Variants in LY75 observed in about 807,000 individuals in gnomAD.
LY75 encodes C-type lectin domain family 13 member B.
In LY75, 185 loss-of-function variants were observed where a neutral mutation model predicts 231.7. The observed-to-expected ratio is 0.80, with a 90% CI of 0.71 to 0.90. LY75 has a LOEUF of 0.90. Ranked by LOEUF, LY75 falls within the 40% of genes least tolerant of loss-of-function variation. The pLI is 0.00. For synonymous variants in LY75, 668 were observed against 689.0 expected, an observed-to-expected ratio of 0.97 and a Z score of 0.48; for missense variants, 1,947 against 2,050.2, an observed-to-expected ratio of 0.95 and a Z score of 0.97.
At chr2:159,889,227 C>T (rs1685680168) in intron 4 of LY75, among the ~76,000 whole-genome samples, 1 of 151,696 alleles carries the variant, frequency 6.6e-6, no homozygotes, top group Non-Finnish European at 1.5e-5. Context: ...ACTGCAATAC[C>T]TTTTATTTAT....
chr2:159,876,670 A>T (rs1685277692), intron 11 of LY75, among the ~76,000 whole-genome samples: 1 of 152,088 alleles, frequency 6.6e-6, no homozygotes, highest in African/African-American at 2.4e-5. Flanking sequence ...CCAACCACCA[A>T]GACTTAGTTA....
intron 19 of LY75, 65 bp from the exon 20 acceptor site, chr2:159,853,417 C>T (rs1238710603): frequency 6.4e-7 from 1 of 1,564,968 alleles, no homozygotes; most frequent in Admixed American, 1.8e-5. Context: ...TTTCTTTTTA[C>T]TGTAAGTTAT....
rs747330367 is a variant in LY75, at chr2:159,893,987, A to C, written c.564T>G (p.Asp188Glu). 2 of 1,613,958 alleles carry C rather than the reference A, an allele frequency of 1.2e-6. No individual in the cohort carries two copies. The highest frequency in any genetic ancestry group is 1.7e-6 in the Non-Finnish European group (2 of 1,179,884). The change falls in exon 3 of 35, where the codon GAT (aspartate) becomes GAG (glutamate). Residue 188 changes from aspartate (D) to glutamate (E), a missense_variant. Asp to Glu is a conservative substitution (Grantham distance 45). Transcript: ENST00000263636. ...TWHHDCILDE[D>E]HSGPWCATTL... ...TGGTGGCACACCATGGCCCACTATG[A>C]TCTTCATCAAGAATGCAATCATGAT...
chr2:159,830,376 AG>A (rs1170365536), intron 28 of LY75, among the ~76,000 whole-genome samples: 1 of 152,042 alleles, frequency 6.6e-6, no homozygotes, highest in Non-Finnish European at 1.5e-5. Flanking sequence ...GGCCGTGGAA[AG>A]GTTTTCCTAA....
intron 28 of LY75, among the ~76,000 whole-genome samples, chr2:159,826,923 G>A (rs935129045): frequency 6.6e-6 from 1 of 152,046 alleles, no homozygotes; most frequent in African/African-American, 2.4e-5. Flanking sequence ...ACTGAAACTG[G>A]ACCCCCCTTC....
intron 23 of LY75, among the ~76,000 whole-genome samples, chr2:159,844,100 T>TCATTTTATGAGGCTAACA (rs1254002611): frequency 6.6e-6 from 1 of 152,052 alleles, no homozygotes; most frequent in Admixed American, 6.6e-5. Flanking sequence ...AGCTACCCAG[T>TCATTTTATGAGGCTAACA]CATTTTATGA....
chr2:159,820,711 C>T (rs780179633), intron 28 of LY75, among the ~76,000 whole-genome samples: 16 of 152,184 alleles, frequency 1.1e-4, no homozygotes, highest in East Asian at 5.8e-4. Flanking sequence ...CTTACATATA[C>T]GTTTAATTGC....
chr2:159,805,364 CAT>C (rs1180956856), intron 34 of LY75, 142 bp from the exon 35 acceptor site: 1 of 558,168 alleles, frequency 1.8e-6, no homozygotes, highest in East Asian at 2.9e-5. Context: ...ATAGCGCTAA[CAT>C]AGAATTCAAA....
At chr2:159,884,078 G>A (rs1685515198) in intron 6 of LY75, among the ~76,000 whole-genome samples, 1 of 152,146 alleles carries the variant, frequency 6.6e-6, no homozygotes, top group Admixed American at 6.5e-5. Context: ...TAGCGAATAA[G>A]TCTCATGAGA....
chr2:159,820,062 G>T, intron 28 of LY75, 142 bp from the exon 29 acceptor site: 1 of 653,900 alleles, frequency 1.5e-6, no homozygotes, highest in African/African-American at 1.9e-5. Flanking sequence ...AACCCTTTAA[G>T]ATATTTTCTG....
intron 13 of LY75, chr2:159,872,023 T>C (rs1685029378): frequency 6.4e-6 from 1 of 155,498 alleles, no homozygotes; most frequent in Non-Finnish European, 1.4e-5. Flanking sequence ...TTAGTTCCTT[T>C]GCTTATGTTC....
intron 4 of LY75, among the ~76,000 whole-genome samples, chr2:159,887,777 C>T (rs998901100): frequency 3.9e-5 from 6 of 151,934 alleles, no homozygotes; most frequent in South Asian, 2.1e-4. Context: ...GGGGCATGTC[C>T]GGCCAGGAGT....
intron 1 of LY75, chr2:159,903,363 AC>A (rs1055222472): frequency 6.6e-6 from 1 of 152,186 alleles, no homozygotes; most frequent in African/African-American, 2.4e-5. Flanking sequence ...GCTGCAGTGA[AC>A]TTTTCCACCT....
At chr2:159,813,544 A>G (rs1683029427) in intron 31 of LY75, among the ~76,000 whole-genome samples, 1 of 151,394 alleles carries the variant, frequency 6.6e-6, no homozygotes, top group African/African-American at 2.4e-5. Flanking sequence ...CCTCCCTCTC[A>G]TCTTCTGGTG....
At chr2:159,813,738 A>C (rs372050659) in intron 31 of LY75, 1 of 152,198 alleles carries the variant, frequency 6.6e-6, no homozygotes, top group Admixed American at 6.5e-5. Flanking sequence ...ACTATTTCTC[A>C]GTAAAGTCAC....
At chr2:159,805,657 C>A (rs896876503) in intron 34 of LY75, among the ~76,000 whole-genome samples, 14 of 152,342 alleles carry the variant, frequency 9.2e-5, no homozygotes, top group African/African-American at 2.9e-4. Flanking sequence ...TTAAGTCTCT[C>A]AGATGAGTTC....
rs1331912194 is a variant in LY75 at position 159,854,554 on chromosome 2, A to G, written c.2420-19T>C. ...GCACGGTCTAAAGAAGAAGAAGAAA[A>G]AGATTAGAATTATGACTATGCAAAG... On this transcript the variant is annotated intron_variant, in intron 17 of 34. Coordinates refer to ENST00000263636, the MANE Select transcript of LY75 (RefSeq NM_002349.4). 6.2e-7 allele frequency: 1 copy of G among 1,608,576 alleles called. No individual in the cohort carries two copies. The highest frequency in any genetic ancestry group is 1.1e-5 in the South Asian group (1 of 90,572).
intron 21 of LY75, 145 bp from the exon 22 acceptor site, chr2:159,850,612 G>A (rs1574557056): frequency 2.0e-6 from 2 of 984,328 alleles, no homozygotes; most frequent in East Asian, 5.4e-5. Flanking sequence ...AAGAATTCAA[G>A]TTTATGCTCT....
intron 1 of LY75, among the ~76,000 whole-genome samples, chr2:159,901,374 C>T (rs1219841017): frequency 1.3e-5 from 2 of 152,138 alleles, no homozygotes; most frequent in African/African-American, 4.8e-5. Flanking sequence ...TCAAAAATTA[C>T]AGAAGAAAAA....
Sources: gnomAD v4.1 joint callset for allele counts (sites outside exome capture counted in the v4.1 genomes callset) on GRCh38, gnomAD v4.1.1 for gene constraint, MANE v1.5 for transcripts, NCBI Gene and HGNC (gene_info 2026-07-23, HGNC 2026-07-21) for gene names.